CRISP1: variants seen among roughly 807,000 people sequenced by gnomAD.
CRISP1 encodes the protein cysteine rich secretory protein 1, also known as cysteine-rich secretory protein 1.
Under a neutral mutation model 33.1 loss-of-function variants are expected in CRISP1, and 44 were observed. The observed-to-expected ratio is 1.33, with a 90% confidence interval of 1.05 to 1.71. The LOEUF (loss-of-function observed/expected upper bound fraction) is 1.71, where lower values mean the gene tolerates loss of function less well. Among genes scored for constraint, CRISP1 ranks in the 40% most tolerant of loss-of-function variants. CRISP1 has a pLI of 0.00. For synonymous variants in CRISP1, 103 were observed against 98.7 expected, an observed-to-expected ratio of 1.04 and a Z score of -0.26; for missense variants, 390 against 301.2, an observed-to-expected ratio of 1.29 and a Z score of -2.18.
intron 3 of CRISP1, among the ~76,000 whole-genome samples, chr6:49,850,663 C>A (rs2127473717): frequency 6.6e-6 from 1 of 152,238 alleles, no homozygotes; most frequent in African/African-American, 2.4e-5. Context: ...TTTACTGGTA[C>A]ACTTACTTTT....
chr6:49,863,356 T>C (rs2127477659), intron 1 of CRISP1, among the ~76,000 whole-genome samples: 1 of 152,274 alleles, frequency 6.6e-6, no homozygotes, highest in African/African-American at 2.4e-5. Flanking sequence ...AAGTAGGCCA[T>C]TTCAACCAAG....
chr6:49,853,760 C>T (rs1370213744), intron 2 of CRISP1, among the ~76,000 whole-genome samples: 1 of 152,120 alleles, frequency 6.6e-6, no homozygotes, highest in Non-Finnish European at 1.5e-5. Flanking sequence ...TTTCACAACT[C>T]TCCTTTTGCA....
rs201964072 is a variant in CRISP1 at position 49,846,593 on chromosome 6, C to A, written c.362G>T (p.Ser121Ile). The change falls in exon 5 of 8, where the codon AGT becomes ATT. Residue 121 changes from serine (S) to isoleucine (I), a missense_variant. Ser to Ile is a moderately radical substitution (Grantham distance 142). Coordinates refer to ENST00000335847, the MANE Select transcript of CRISP1 (RefSeq NM_001131.3). Reference sequence around the variant, plus strand: ...TCCATGTTTGAAACTTGTAGACTCACTGTACCAGACTCCAATTACACTTGA... The same window carrying A: ...TCCATGTTTGAAACTTGTAGACTCAATGTACCAGACTCCAATTACACTTGA... Reference protein sequence around the residue: ...SWSSVIGVWYSESTSFKHGEW... With the variant: ...SWSSVIGVWYIESTSFKHGEW... 1.4e-5 allele frequency: 22 copies of A among 1,613,474 alleles called. No individual in the cohort carries two copies. Among genetic ancestry groups the A allele is most frequent in the Admixed American group, 3.3e-5 (2 of 59,890 alleles).
Position 49,846,587 on chromosome 6 carries a change from G to A in CRISP1, c.368C>T (p.Ser123Phe). ...CCATTCTCCATGTTTGAAACTTGTAGACTCACTGTACCAGACTCCAATTAC... is the reference window on the plus strand; with the variant it reads ...CCATTCTCCATGTTTGAAACTTGTAAACTCACTGTACCAGACTCCAATTAC... ...SSVIGVWYSE[S>F]TSFKHGEWTT... The change falls in exon 5 of 8, where the codon TCT (serine) becomes TTT (phenylalanine). Residue 123 changes from serine (S) to phenylalanine (F), a missense_variant. Coordinates refer to ENST00000335847, the MANE Select transcript of CRISP1 (RefSeq NM_001131.3). 2 of 1,613,558 alleles carry A rather than the reference G, an allele frequency of 1.2e-6. No homozygotes were observed. Among genetic ancestry groups the A allele is most frequent in the Non-Finnish European group, 1.7e-6 (2 of 1,179,678 alleles).
intron 7 of CRISP1, among the ~76,000 whole-genome samples, chr6:49,836,507 T>C (rs1273979646): frequency 6.6e-6 from 1 of 151,632 alleles, no homozygotes; most frequent in African/African-American, 2.4e-5. Context: ...TGCTAATTTT[T>C]TTTTTATTTT....
upstream of CRISP1, among the ~76,000 whole-genome samples, chr6:49,867,135 A>G (rs965269922): frequency 6.6e-6 from 1 of 152,174 alleles, no homozygotes; most frequent in Non-Finnish European, 1.5e-5. Context: ...AATACTGAAC[A>G]CTAAATTGTA....
At chr6:49,850,374 A>G (rs1245485291) in intron 3 of CRISP1, among the ~76,000 whole-genome samples, 2 of 151,990 alleles carry the variant, frequency 1.3e-5, no homozygotes. Flanking sequence ...TTGGTGAGAT[A>G]CTCCTTTTTT....
At chr6:49,871,438 A>T (rs76059609), upstream of CRISP1, among the ~76,000 whole-genome samples, 1,845 of 152,186 alleles carry the variant, frequency 0.012, 31 homozygotes, top group African/African-American at 0.041. Context: ...GTCAAAGCCA[A>T]TTTTTTCTAA....
intron 1 of CRISP1, among the ~76,000 whole-genome samples, chr6:49,864,384 C>CTG (rs3997164): frequency 0.03 from 4,249 of 142,330 alleles, 74 homozygotes; most frequent in Middle Eastern, 0.051. Flanking sequence ...TTGCTATTCA[C>CTG]TGTGTGTGTG....
intron 6 of CRISP1, among the ~76,000 whole-genome samples, chr6:49,840,477 G>A (rs1281442732): frequency 2.0e-5 from 3 of 152,156 alleles, no homozygotes; most frequent in Non-Finnish European, 4.4e-5. Context: ...TCCACTGCAT[G>A]TCTGTCCTTT....
intron 1 of CRISP1, among the ~76,000 whole-genome samples, chr6:49,857,877 T>C (rs1771539378): frequency 6.6e-6 from 1 of 152,164 alleles, no homozygotes; most frequent in Admixed American, 6.6e-5. Context: ...CTAAGGAATA[T>C]GGATAGCCTC....
At chr6:49,842,820 C>T (rs1189065363) in intron 5 of CRISP1, among the ~76,000 whole-genome samples, 1 of 152,124 alleles carries the variant, frequency 6.6e-6, no homozygotes, top group Non-Finnish European at 1.5e-5. Flanking sequence ...GGTTCTAGTC[C>T]TAGCTCCTCC....
intron 1 of CRISP1, among the ~76,000 whole-genome samples, chr6:49,864,009 A>T (rs1771727693): frequency 6.6e-6 from 1 of 152,184 alleles, no homozygotes; most frequent in African/African-American, 2.4e-5. Context: ...ACCAAAAGCA[A>T]TATATAGATG....
chr6:49,841,134 A>T (rs1225930448), intron 5 of CRISP1, 139 bp from the exon 6 acceptor site: 3 of 695,644 alleles, frequency 4.3e-6, no homozygotes, highest in Non-Finnish European at 7.2e-6. Flanking sequence ...GAAGTCATAG[A>T]AACAAAAGGA....
chr6:49,872,752 T>C (rs1771954575), intron 1 of CRISP1, among the ~76,000 whole-genome samples: 1 of 152,156 alleles, frequency 6.6e-6, no homozygotes, highest in Non-Finnish European at 1.5e-5. Context: ...TCTGTTCCAT[T>C]GGTCTATATC....
intron 6 of CRISP1, 95 bp downstream of exon 6, chr6:49,840,803 G>T: frequency 1.2e-6 from 1 of 867,920 alleles, no homozygotes; most frequent in Non-Finnish European, 1.8e-6. Context: ...GAATAAAGTT[G>T]CTACAAACAT....
intron 1 of CRISP1, among the ~76,000 whole-genome samples, chr6:49,859,395 T>C (rs1231994721): frequency 1.4e-5 from 2 of 143,124 alleles, no homozygotes; most frequent in Non-Finnish European, 3.0e-5. Context: ...TAACAAGTGC[T>C]GAAAGAAAAA....
At chr6:49,862,420 C>T (rs917487824) in intron 1 of CRISP1, among the ~76,000 whole-genome samples, 8 of 151,560 alleles carry the variant, frequency 5.3e-5, no homozygotes, top group Admixed American at 1.3e-4. Context: ...TATATATATA[C>T]ACACACACAA....
At position 49,836,981 on chromosome 6, in the gene CRISP1, A is replaced by AT. The variant is rs200171097; in HGVS notation, c.622+1455dup. Among the ~76,000 whole-genome samples the AT allele has an allele frequency of 8.3e-3, 1,262 of 151,158 alleles. 16 individuals carry two copies. The highest frequency in any genetic ancestry group is 0.028 in the African/African-American group (1,147 of 41,228). On this transcript the variant is annotated intron_variant, in intron 7 of 7. Transcript: ENST00000335847. ...TCTGGTGAAATATGACTATCAGTGG[A>AT]TTTTTTTTTCTTTAGCAGTAACATA... is the stretch of plus-strand genomic sequence containing the variant.
Sources: gnomAD v4.1 joint callset for allele counts (sites outside exome capture counted in the v4.1 genomes callset) on GRCh38, gnomAD v4.1.1 for gene constraint, MANE v1.5 for transcripts, NCBI Gene and HGNC (gene_info 2026-07-23, HGNC 2026-07-21) for gene names.